CHD2: variants seen among roughly 807,000 people sequenced by gnomAD.
CHD2 encodes the protein chromodomain helicase DNA binding protein 2, also known as ATP-dependent chromatin remodeler CHD2.
CHD2 carries 28 observed loss-of-function variants against 243.9 expected under a neutral mutation model. That is an observed-to-expected ratio of 0.11 (90% confidence interval 0.09 to 0.16). The LOEUF is 0.16. CHD2 is among the 10% of genes least tolerant of loss of function. The probability of loss-of-function intolerance (pLI) is 1.00; values close to 1 mark genes in which losing one functional copy is unlikely to be tolerated. For synonymous variants in CHD2, 775 were observed against 779.0 expected, an observed-to-expected ratio of 0.99 and a Z score of 0.09; for missense variants, 1,386 against 2,209.8, an observed-to-expected ratio of 0.63 and a Z score of 7.47.
chr15:93,003,051 C>T (rs1260495753), intron 33 of CHD2, among the ~76,000 whole-genome samples: 8 of 152,118 alleles, frequency 5.3e-5, no homozygotes, highest in Non-Finnish European at 8.8e-5. Flanking sequence ...TCACAACTTT[C>T]CAAGTGATTA....
intron 12 of CHD2, among the ~76,000 whole-genome samples, chr15:92,948,009 C>G (rs1446084425): frequency 1.3e-5 from 2 of 152,172 alleles, no homozygotes; most frequent in East Asian, 3.8e-4. Flanking sequence ...ACATTTCAGA[C>G]TTTGAAAAGT....
At chr15:93,015,675 G>C (rs1488908779) in intron 37 of CHD2, among the ~76,000 whole-genome samples, 3 of 152,034 alleles carry the variant, frequency 2.0e-5, no homozygotes, top group Non-Finnish European at 4.4e-5. Context: ...GAAGGCAAAT[G>C]CTCGATTAAA....
At position 92,981,987 on chromosome 15, in the gene CHD2, A is replaced by G. The variant is rs543755376; in HGVS notation, c.3066+530A>G. On this transcript the variant is annotated intron_variant, in intron 24 of 38. Coordinates refer to ENST00000394196, the MANE Select transcript of CHD2 (RefSeq NM_001271.4). ...TAGGAGGTGGCAGCACAGAGTATCA[A>G]TGTTATTAAAAAGCTTAGTGAAAGA... Among the ~76,000 whole-genome samples the G allele has an allele frequency of 4.6e-5, 7 of 152,360 alleles. No individual in the cohort carries two copies. The South Asian group carries it at 1.0e-3, about 23-fold the overall frequency.
In CHD2 at chr15:92,999,083, C is replaced by CAAAAAAAA. The variant is rs55738843; in HGVS notation, c.4008+489_4008+496dup. On this transcript the variant is annotated intron_variant, in intron 31 of 38. Transcript: ENST00000394196. The stretch of plus-strand genomic sequence containing the variant: ...TGGGCAACAGAGCGAGACTCCGTCT[C>CAAAAAAAA]AAAAAAAAAAAAAAAAAAAAAAAAA... 7.0e-4 allele frequency among the ~76,000 whole-genome samples: 46 copies of CAAAAAAAA among 65,528 alleles called. 1 individual carries two copies. Among genetic ancestry groups the CAAAAAAAA allele is most frequent in the South Asian group, 1.4e-3 (2 of 1,422 alleles). The allele number at this position is 65,528 out of a possible 152,430, so 43.0% of individuals were successfully genotyped here. A position where few individuals can be genotyped will look rare whatever the true frequency, so the allele number is the denominator to read the frequency against.
chr15:93,000,871 T>G (rs1360973155), intron 32 of CHD2, among the ~76,000 whole-genome samples: 3 of 152,188 alleles, frequency 2.0e-5, no homozygotes, highest in Admixed American at 1.3e-4. Context: ...TGTTGTTGTT[T>G]GTTTGTTTGT....
At chr15:92,914,006 A>G (rs2052789370) in intron 2 of CHD2, among the ~76,000 whole-genome samples, 1 of 152,138 alleles carries the variant, frequency 6.6e-6, no homozygotes, top group Admixed American at 6.5e-5. Context: ...TTTCACATTT[A>G]TTATTGGGAT....
chr15:93,004,518 A>T, intron 33 of CHD2, 99 bp from the exon 34 acceptor site: 1 of 1,120,886 alleles, frequency 8.9e-7, no homozygotes, highest in East Asian at 2.6e-5. Context: ...TGAGACCATC[A>T]TATTTACCCA....
At chr15:92,918,109 C>T (rs1280057875) in intron 2 of CHD2, among the ~76,000 whole-genome samples, 1 of 152,176 alleles carries the variant, frequency 6.6e-6, no homozygotes, top group Non-Finnish European at 1.5e-5. Flanking sequence ...TGGAATGTTG[C>T]TGTGCTGCCC....
intron 3 of CHD2, among the ~76,000 whole-genome samples, chr15:92,925,669 G>T (rs1323459136): frequency 6.6e-6 from 1 of 152,064 alleles, no homozygotes; most frequent in African/African-American, 2.4e-5. Context: ...TCCTTTCTCT[G>T]CCAGGTTTTT....
intron 2 of CHD2, chr15:92,901,880 A>T (rs921282886): frequency 6.6e-6 from 2 of 302,110 alleles, no homozygotes; most frequent in African/African-American, 4.3e-5. Context: ...TTCTTTTGAT[A>T]CACTTGACAT....
At position 92,917,031 on chromosome 15, in the gene CHD2, G is replaced by A. The variant is rs1596373354; in HGVS notation, c.63-7290G>A. Reference sequence around the variant, plus strand: ...CCATTTCAGTTTCTTCTCCGTAATTGCGTATCCATTTTCTTTGTGCAGTTT... The same window carrying A: ...CCATTTCAGTTTCTTCTCCGTAATTACGTATCCATTTTCTTTGTGCAGTTT... On this transcript the variant is annotated intron_variant, in intron 2 of 38. Transcript: ENST00000394196. 2.0e-5 allele frequency among the ~76,000 whole-genome samples: 3 copies of A among 152,252 alleles called. No homozygotes were observed. The East Asian group carries it at 5.8e-4, about 29-fold the overall frequency.
At chr15:92,981,253 G>C (rs770258156) in intron 23 of CHD2, 112 bp from the exon 24 acceptor site, 59 of 680,550 alleles carry the variant, frequency 8.7e-5, no homozygotes, top group Non-Finnish European at 1.5e-4. Flanking sequence ...TCAGAAAGGA[G>C]AATTGGTTTA....
At chr15:92,954,446 T>G (rs956524211) in intron 14 of CHD2, 8 of 152,256 alleles carry the variant, frequency 5.3e-5, no homozygotes, top group African/African-American at 1.9e-4. Flanking sequence ...ATATTTGAGT[T>G]GCATGTTGTA....
intron 15 of CHD2, 131 bp downstream of exon 15, chr15:92,955,643 G>A (rs561631288): frequency 2.0e-6 from 1 of 508,338 alleles, no homozygotes; most frequent in Non-Finnish European, 3.4e-6. Context: ...CAAATGGTAG[G>A]GTCTGTACCT....
intron 25 of CHD2, among the ~76,000 whole-genome samples, chr15:92,984,728 G>A (rs1426794017): frequency 6.6e-6 from 1 of 152,200 alleles, no homozygotes; most frequent in African/African-American, 2.4e-5. Flanking sequence ...TCTTTGTGAA[G>A]CTGATAAACA....
chr15:92,903,410 T>G (rs189574625), intron 2 of CHD2, among the ~76,000 whole-genome samples: 1 of 152,240 alleles, frequency 6.6e-6, no homozygotes, highest in Non-Finnish European at 1.5e-5. Context: ...AGAATTACTT[T>G]AGTATCTGGA....
intron 22 of CHD2, 140 bp from the exon 23 acceptor site, chr15:92,980,675 T>A: frequency 1.6e-6 from 1 of 620,656 alleles, no homozygotes; most frequent in East Asian, 2.9e-5. Context: ...GAAAATGCGA[T>A]GTTTGAGAAA....
chr15:92,927,386 T>C lies in CHD2; in HGVS notation c.381+56T>C. 2.4e-6 allele frequency: 3 copies of C among 1,274,312 alleles called. No homozygotes were observed. The South Asian group carries it at 3.7e-5, about 16-fold the overall frequency. 78.9% of individuals were successfully genotyped at this position (1,274,312 alleles called of 1,614,324 possible). On this transcript the variant is annotated intron_variant, in intron 4 of 38. Coordinates refer to ENST00000394196, the MANE Select transcript of CHD2 (RefSeq NM_001271.4). ...TTAAACTCCCTATCTTACTTCATTC[T>C]TTCTGACTCTGGTATGTATTACCAT... is the stretch of plus-strand genomic sequence containing the variant.
chr15:92,972,294 T>G lies in CHD2; in HGVS notation c.2382T>G (p.Ile794Met). 1 of 1,611,656 alleles carries G rather than the reference T, an allele frequency of 6.2e-7. No individual in the cohort carries two copies. Among genetic ancestry groups the G allele is most frequent in the Non-Finnish European group, 8.5e-7 (1 of 1,179,330 alleles). ...LSLIRSSGKLILLDKLLTRLR... is the reference protein window; with the variant it reads ...LSLIRSSGKLMLLDKLLTRLR... ...TCATAAGGAGCAGTGGGAAGTTGAT[T>G]TTATTAGACAAACTGTTGACAAGAC... is the stretch of plus-strand genomic sequence containing the variant. The change falls in exon 19 of 39, where the codon ATT becomes ATG. Residue 794 changes from isoleucine to methionine, a missense_variant. Coordinates refer to ENST00000394196, the MANE Select transcript of CHD2 (RefSeq NM_001271.4).
Sources: allele counts gnomAD v4.1 joint callset (sites outside exome capture counted in the v4.1 genomes callset), GRCh38; gene constraint gnomAD v4.1.1; transcripts MANE v1.5; gene names NCBI Gene and HGNC (gene_info 2026-07-23, HGNC 2026-07-21).